The following XKR6 variants were observed in gnomAD, a reference collection of about 807,000 sequenced individuals.
XKR6 encodes XK related 6.
A neutral mutation model predicts 56.7 loss-of-function variants in XKR6; 22 were observed. That is an observed-to-expected ratio of 0.39 (90% CI 0.28 to 0.55). The LOEUF is 0.55. Ranked by LOEUF, XKR6 falls within the 20% of genes least tolerant of loss-of-function variation. XKR6 has a pLI of 0.66. For missense variants in XKR6, 852 were observed against 889.0 expected, an observed-to-expected ratio of 0.96 and a Z score of 0.53; for synonymous variants, 524 against 387.8, an observed-to-expected ratio of 1.35 and a Z score of -4.13.
chr8:11,174,254 C>T (rs966918208), intron 1 of XKR6, among the ~76,000 whole-genome samples: 2 of 152,208 alleles, frequency 1.3e-5, no homozygotes, highest in Non-Finnish European at 1.5e-5. Flanking sequence ...CAAACCCTTC[C>T]TCTCAAGCAG....
In XKR6 at chr8:11,137,357, C is replaced by T. The variant is rs1334456565; in HGVS notation, c.764+63219G>A. ...AAAAAGAAAACAATTATAAAAAATA[C>T]AAAGGAGTCCAGGATAATAGAAATC... On this transcript the variant is annotated intron_variant, in intron 1 of 2. Coordinates refer to ENST00000416569, the MANE Select transcript of XKR6 (RefSeq NM_173683.4). 1.9e-5 allele frequency: 6 copies of T among 315,824 alleles called. 1 individual carries two copies. Among genetic ancestry groups the T allele is most frequent in the Non-Finnish European group, 6.2e-6 (1 of 162,246 alleles). The allele number at this position is 315,824 out of a possible 1,614,324, so 19.6% of individuals were successfully genotyped here. A position where few individuals can be genotyped will look rare whatever the true frequency, so the allele number is the denominator to read the frequency against.
intron 1 of XKR6, among the ~76,000 whole-genome samples, chr8:11,121,122 C>A (rs994524277): frequency 6.6e-6 from 1 of 152,180 alleles, no homozygotes; most frequent in Non-Finnish European, 1.5e-5. Context: ...AGGACATAGG[C>A]ATGGGTGAGG....
chr8:10,972,352 G>C (rs970487587), intron 1 of XKR6, among the ~76,000 whole-genome samples: 3 of 152,170 alleles, frequency 2.0e-5, no homozygotes, highest in African/African-American at 7.2e-5. Context: ...CTGCTGAGCT[G>C]ATTCAAAATG....
intron 1 of XKR6, among the ~76,000 whole-genome samples, chr8:10,959,039 C>G (rs1801980795): frequency 6.6e-6 from 1 of 152,230 alleles, no homozygotes; most frequent in African/African-American, 2.4e-5. Flanking sequence ...CTTCTGTAAC[C>G]AGAGTGTGAC....
intron 1 of XKR6, among the ~76,000 whole-genome samples, chr8:11,154,018 C>T (rs994201271): frequency 2.6e-5 from 4 of 152,214 alleles, no homozygotes; most frequent in African/African-American, 7.2e-5. Context: ...CTTTTAAAAG[C>T]CTAGGTGGGT....
chr8:11,069,482 G>A (rs1800063457), intron 1 of XKR6, among the ~76,000 whole-genome samples: 1 of 152,124 alleles, frequency 6.6e-6, no homozygotes, highest in Admixed American at 6.5e-5. Context: ...CAGCTCACAT[G>A]GCTGTGCCCC....
chr8:10,968,207 G>A (rs145849312), intron 1 of XKR6, among the ~76,000 whole-genome samples: 4 of 152,282 alleles, frequency 2.6e-5, no homozygotes, highest in African/African-American at 7.2e-5. Flanking sequence ...ATCTCCCACC[G>A]CTCCTAGGCC....
chr8:10,961,146 A>C (rs187821828), intron 1 of XKR6, among the ~76,000 whole-genome samples: 136 of 152,294 alleles, frequency 8.9e-4, no homozygotes, highest in African/African-American at 3.2e-3. Flanking sequence ...TGAGCGGATG[A>C]ATCCCAGCAG....
chr8:10,978,795 G>A (rs963828000), intron 1 of XKR6, among the ~76,000 whole-genome samples: 5 of 152,310 alleles, frequency 3.3e-5, no homozygotes, highest in South Asian at 2.1e-4. Flanking sequence ...CCCCCGTGCT[G>A]ACGCACGGCC....
chr8:10,989,844 C>T (rs1763728330), intron 1 of XKR6, among the ~76,000 whole-genome samples: 1 of 152,230 alleles, frequency 6.6e-6, no homozygotes, highest in Admixed American at 6.5e-5. Flanking sequence ...AGTAGTCTCA[C>T]AGATGTCATG....
intron 1 of XKR6, among the ~76,000 whole-genome samples, chr8:11,131,378 G>A (rs1032431208): frequency 2.0e-5 from 3 of 152,132 alleles, no homozygotes; most frequent in Non-Finnish European, 4.4e-5. Context: ...ATACAAGAAA[G>A]AGTAATTAAC....
In XKR6 at chr8:10,908,082, G is replaced by A. The variant is rs909365142; in HGVS notation, c.962-9166C>T. 4.6e-5 allele frequency among the ~76,000 whole-genome samples: 7 copies of A among 152,190 alleles called. No homozygotes were observed. In the East Asian group the frequency reaches 5.8e-4, roughly 13 times the overall value. On this transcript the variant is annotated intron_variant, in intron 2 of 2. Transcript: ENST00000416569. Reference sequence around the variant, plus strand: ...TGCGTGGGAGGATGTACACGCCCACGCTGCTGGATTGAGGTGTGGCTGAGA... The same window carrying A: ...TGCGTGGGAGGATGTACACGCCCACACTGCTGGATTGAGGTGTGGCTGAGA...
intron 1 of XKR6, among the ~76,000 whole-genome samples, chr8:11,150,177 G>T (rs57452073): frequency 5.3e-5 from 8 of 152,048 alleles, no homozygotes; most frequent in Admixed American, 2.6e-4. Context: ...CAGAGTGGAG[G>T]GACTATAGTT....
At chr8:11,089,343 T>C (rs1178937790) in intron 1 of XKR6, among the ~76,000 whole-genome samples, 1 of 152,184 alleles carries the variant, frequency 6.6e-6, no homozygotes, top group East Asian at 1.9e-4. Context: ...TTTTTAAAAA[T>C]GAAGTAGTCT....
intron 1 of XKR6, among the ~76,000 whole-genome samples, chr8:11,022,263 T>C (rs957593632): frequency 3.3e-5 from 5 of 151,902 alleles, no homozygotes; most frequent in Non-Finnish European, 5.9e-5. Context: ...GCTGTTGCCT[T>C]AGCATCCCTG....
At chr8:11,102,302 G>C (rs1180612131) in intron 1 of XKR6, among the ~76,000 whole-genome samples, 3 of 152,072 alleles carry the variant, frequency 2.0e-5, no homozygotes, top group Non-Finnish European at 4.4e-5. Context: ...TTAGTTTACC[G>C]CTGCTAGAAT....
At chr8:11,092,336 C>A (rs558904736) in intron 1 of XKR6, among the ~76,000 whole-genome samples, 6 of 152,154 alleles carry the variant, frequency 3.9e-5, no homozygotes, top group Admixed American at 2.6e-4. Flanking sequence ...TAATACATAT[C>A]CTTACAACCT....
At chr8:11,009,907 G>C (rs572590305) in intron 1 of XKR6, among the ~76,000 whole-genome samples, 2 of 152,194 alleles carry the variant, frequency 1.3e-5, no homozygotes, top group East Asian at 3.9e-4. Flanking sequence ...TAACACCTTT[G>C]TAACAATTCT....
intron 1 of XKR6, among the ~76,000 whole-genome samples, chr8:11,079,449 T>G (rs1053207430): frequency 6.6e-6 from 1 of 152,244 alleles, no homozygotes; most frequent in South Asian, 2.1e-4. Flanking sequence ...TATCCCATTT[T>G]TGTAAAATAA....
Sources: allele counts gnomAD v4.1 joint callset (sites outside exome capture counted in the v4.1 genomes callset), GRCh38; gene constraint gnomAD v4.1.1; transcripts MANE v1.5; gene names NCBI Gene and HGNC (gene_info 2026-07-23, HGNC 2026-07-21).